The following NTM variants were observed in gnomAD, a reference collection of about 807,000 sequenced individuals.
The protein encoded by NTM is IgLON family member 2.
A neutral mutation model predicts 42.1 loss-of-function variants in NTM; 13 were observed. The observed-to-expected ratio is 0.31, with a 90% CI of 0.20 to 0.49. NTM has a LOEUF of 0.49. Ranked by LOEUF, NTM falls within the 20% of genes least tolerant of loss-of-function variation. NTM has a pLI of 0.99. For synonymous variants in NTM, 187 were observed against 179.2 expected (o/e 1.04, Z -0.35); for missense variants, 373 against 452.8 (o/e 0.82, Z 1.60).
chr11:132,104,547 T>G (rs1156966698), intron 2 of NTM, among the ~76,000 whole-genome samples: 1 of 149,806 alleles, frequency 6.7e-6, no homozygotes, highest in African/African-American at 2.5e-5. Context: ...AGCCCAGGAT[T>G]CCGAGACCAG....
intron 1 of NTM, among the ~76,000 whole-genome samples, chr11:131,465,521 A>G (rs188745904): frequency 5.6e-4 from 85 of 152,206 alleles, no homozygotes; most frequent in African/African-American, 2.0e-3. Flanking sequence ...CTTCTCTTCC[A>G]ACCATTAAAG....
chr11:131,423,884 C>T (rs1259758855), intron 1 of NTM, among the ~76,000 whole-genome samples: 2 of 152,172 alleles, frequency 1.3e-5, no homozygotes, highest in African/African-American at 4.8e-5. Flanking sequence ...GTGACATCAG[C>T]AGCCAGACTC....
At chr11:131,734,948 A>G (rs1233419434) in intron 1 of NTM, among the ~76,000 whole-genome samples, 1 of 152,204 alleles carries the variant, frequency 6.6e-6, no homozygotes, top group Non-Finnish European at 1.5e-5. Flanking sequence ...AGGAAACATA[A>G]CCAAGGGGCT....
In NTM at chr11:131,997,057, CT is replaced by C. The variant is rs1205396991; in HGVS notation, c.167+85410del. ...TTCACCATGGCCTCTCCTGGGCTGG[CT>C]GCTAGGCTGGCCTAACAGCTGCAGC... On this transcript the variant is annotated intron_variant, in intron 2 of 8. Transcript: ENST00000683400. 2.0e-5 allele frequency among the ~76,000 whole-genome samples: 3 copies of C among 152,334 alleles called. No individual in the cohort carries two copies. In the East Asian group the frequency reaches 5.8e-4, roughly 29 times the overall value.
At chr11:131,668,320 A>G (rs2069471719) in intron 1 of NTM, among the ~76,000 whole-genome samples, 1 of 152,020 alleles carries the variant, frequency 6.6e-6, no homozygotes, top group African/African-American at 2.4e-5. Flanking sequence ...TACAGCACTT[A>G]CTATCAGCAA....
chr11:132,118,679 GA>G (rs2064253413), intron 2 of NTM, among the ~76,000 whole-genome samples: 1 of 152,190 alleles, frequency 6.6e-6, no homozygotes, highest in African/African-American at 2.4e-5. Context: ...CAAAAGGAAT[GA>G]TGAAGTGGCC....
chr11:131,851,532 C>CGTGTGTGTGT (rs71067340), intron 1 of NTM, among the ~76,000 whole-genome samples: 184 of 146,794 alleles, frequency 1.3e-3, no homozygotes, highest in Middle Eastern at 3.5e-3. Context: ...GTGAGAATGG[C>CGTGTGTGTGT]GTGTGTGTGT....
intron 1 of NTM, among the ~76,000 whole-genome samples, chr11:131,652,656 G>A (rs955883016): frequency 6.6e-6 from 1 of 152,204 alleles, no homozygotes; most frequent in Non-Finnish European, 1.5e-5. Context: ...AGTGGGCAGG[G>A]GGATTTGTCA....
intron 3 of NTM, among the ~76,000 whole-genome samples, chr11:132,197,948 A>G (rs900920298): frequency 3.4e-4 from 52 of 152,060 alleles, no homozygotes; most frequent in African/African-American, 1.2e-3. Flanking sequence ...GAGTAGTGCC[A>G]CAGTAAACAT....
At chr11:132,061,536 T>C (rs906487612) in intron 2 of NTM, among the ~76,000 whole-genome samples, 1 of 152,184 alleles carries the variant, frequency 6.6e-6, no homozygotes, top group African/African-American at 2.4e-5. Context: ...TCAAATTGAA[T>C]TGAACAGAAA....
At chr11:131,934,091 C>G (rs2058949312) in intron 2 of NTM, among the ~76,000 whole-genome samples, 1 of 152,078 alleles carries the variant, frequency 6.6e-6, no homozygotes, top group African/African-American at 2.4e-5. Context: ...CAGCACTGGT[C>G]TTTTTTATGT....
rs1565658078 is a variant in NTM at position 131,873,636 on chromosome 11, C to CCGTATATATATACGTATATATAT, written c.83-37928_83-37927insCGTATATATATACGTATATATAT. On this transcript the variant is annotated intron_variant, in intron 1 of 8. Transcript: ENST00000683400. ...CCGTATATATATACATATATATATA[C>CCGTATATATATACGTATATATAT]ACATATATATATACACACATATATA... Among the ~76,000 whole-genome samples, 77 of 107,612 alleles carry CCGTATATATATACGTATATATAT rather than the reference C, an allele frequency of 7.2e-4. 4 individuals carry two copies. The highest frequency in any genetic ancestry group is 4.5e-3 in the Middle Eastern group (1 of 222). 70.6% of individuals were successfully genotyped at this position (107,612 alleles called of 152,430 possible). A position where few individuals can be genotyped will look rare whatever the true frequency, so the allele number is the denominator to read the frequency against.
intron 4 of NTM, among the ~76,000 whole-genome samples, chr11:132,289,193 C>T (rs141484044): frequency 4.6e-5 from 7 of 152,180 alleles, no homozygotes; most frequent in African/African-American, 1.7e-4. Context: ...TTGTCTTTTC[C>T]CTTGGGAATT....
At chr11:132,038,613 CG>C (rs1314766967) in intron 2 of NTM, among the ~76,000 whole-genome samples, 1 of 152,176 alleles carries the variant, frequency 6.6e-6, no homozygotes, top group Non-Finnish European at 1.5e-5. Context: ...ACATTGGATC[CG>C]TGTTCAGTCA....
At chr11:132,080,831 A>T (rs1490378027) in intron 2 of NTM, among the ~76,000 whole-genome samples, 1 of 152,232 alleles carries the variant, frequency 6.6e-6, no homozygotes, top group East Asian at 1.9e-4. Context: ...GGTTGCATGG[A>T]GATCTAATAG....
chr11:132,015,294 G>A (rs2073185232), intron 2 of NTM, among the ~76,000 whole-genome samples: 1 of 151,882 alleles, frequency 6.6e-6, no homozygotes, highest in Admixed American at 6.6e-5. Flanking sequence ...TGTTACTATA[G>A]CCTTTTAATA....
intron 1 of NTM, among the ~76,000 whole-genome samples, chr11:131,500,898 T>C (rs2046735387): frequency 6.7e-6 from 1 of 148,568 alleles, no homozygotes; most frequent in Admixed American, 6.9e-5. Flanking sequence ...TTCATCCATG[T>C]CTCTACAAAG....
intron 1 of NTM, among the ~76,000 whole-genome samples, chr11:131,812,774 G>GGAGA (rs1393505488): frequency 4.6e-5 from 7 of 152,170 alleles, no homozygotes; most frequent in African/African-American, 7.2e-5. Flanking sequence ...AGGCCGAAGT[G>GGAGA]GAGAGGGAAG....
chr11:131,664,130 G>A (rs2739292), intron 1 of NTM, among the ~76,000 whole-genome samples: 121,059 of 152,188 alleles, frequency 0.8, 48,617 homozygotes, highest in East Asian at 0.88. Flanking sequence ...AGCCAGCACA[G>A]GGAGGTGACA....
Sources: gnomAD v4.1 joint callset for allele counts (sites outside exome capture counted in the v4.1 genomes callset) on GRCh38, gnomAD v4.1.1 for gene constraint, MANE v1.5 for transcripts, NCBI Gene and HGNC (gene_info 2026-07-23, HGNC 2026-07-21) for gene names.